SVEP1: variants seen among roughly 807,000 people sequenced by gnomAD.
SVEP1 encodes sushi, von Willebrand factor type A, EGF and pentraxin domain containing 1, also known as sushi, von Willebrand factor type A, EGF and pentraxin domain-containing protein 1.
A neutral mutation model predicts 367.3 loss-of-function variants in SVEP1; 164 were observed. The observed-to-expected ratio is 0.45, with a 90% CI of 0.39 to 0.51. The LOEUF is 0.51. Ranked by LOEUF, SVEP1 falls within the 20% of genes least tolerant of loss-of-function variation. The pLI is 0.00. For synonymous variants in SVEP1, 1,666 were observed against 1,611.6 expected, an observed-to-expected ratio of 1.03 and a Z score of -0.81; for missense variants, 4,117 against 4,425.3, an observed-to-expected ratio of 0.93 and a Z score of 1.98.
Position 110,469,089 on chromosome 9 carries a change from A to G in SVEP1, c.3011T>C (p.Leu1004Ser). The G allele has an allele frequency of 6.2e-7, 1 of 1,612,382 alleles. No homozygotes were observed. The highest frequency in any genetic ancestry group is 8.5e-7 in the Non-Finnish European group (1 of 1,179,002). ...ATGTTCCAGATTATAATAGGTTCCC[A>G]AAGGGCAATTGACTACAGAAAAAGC... ...LRGRMCVNCP[L>S]GTYYNLEHFT... The change falls in exon 17 of 48, where the codon TTG becomes TCG. Residue 1004 changes from leucine (L) to serine (S), a missense_variant. Leu to Ser is a moderately radical substitution (Grantham distance 145). Around this residue, in one of 4 missense-constraint regions of SVEP1, gnomAD observed 2,174 missense variants for 2,494.3 expected, o/e 0.87. Transcript: ENST00000374469.
At chr9:110,401,429 C>G (rs907170325) in intron 39 of SVEP1, among the ~76,000 whole-genome samples, 1 of 151,598 alleles carries the variant, frequency 6.6e-6, no homozygotes, top group African/African-American at 2.4e-5. Context: ...TTTAGGCATA[C>G]TACTCAAAGT....
chr9:110,489,784 T>C lies in SVEP1; in HGVS notation c.1801-5A>G, dbSNP rs73655383. 8,530 of 1,605,588 alleles carry C rather than the reference T, an allele frequency of 5.3e-3. 371 individuals are homozygous for C. In the African/African-American group the frequency reaches 0.098, roughly 18 times the overall value. ...TGGATGAACGTGGACTGACACCTAT[T>C]GGAGATACACAAATATTTTGAAAGT... On this transcript the variant is annotated splice_region_variant and splice_polypyrimidine_tract_variant and intron_variant, in intron 8 of 47. Coordinates refer to ENST00000374469, the MANE Select transcript of SVEP1 (RefSeq NM_153366.4).
intron 9 of SVEP1, 32 bp from the exon 10 acceptor site, chr9:110,483,725 C>G (rs531543663): frequency 6.7e-7 from 1 of 1,500,320 alleles, no homozygotes; most frequent in East Asian, 2.4e-5. Context: ...AAAGAAGTCA[C>G]AGCTGATATT....
Position 110,579,308 on chromosome 9 carries a change from C to T in SVEP1, c.236G>A (p.Ser79Asn), listed in dbSNP as rs1830664072. ...CAGGAAGACAAGCTCCAGGCGCTCG[C>T]TGAGCTCCCGCAGCAGCCGCACGCG... ...RRRVRLLREL[S>N]ERLELVFLVD... Residue 79 changes from serine (S) to asparagine (N), a missense_variant, in exon 1 of 48, where the codon AGC becomes AAC. Physicochemically the swap from Ser to Asn is conservative, Grantham distance 46. Coordinates refer to ENST00000374469, the MANE Select transcript of SVEP1 (RefSeq NM_153366.4). The surrounding 1 kb of genome is among the most constrained non-coding windows in gnomAD (Gnocchi z 5.3). 6.4e-7 allele frequency: 1 copy of T among 1,565,546 alleles called. No homozygotes were observed. The highest frequency in any genetic ancestry group is 1.9e-5 in the Admixed American group (1 of 52,764).
intron 18 of SVEP1, among the ~76,000 whole-genome samples, chr9:110,463,596 A>C (rs566978289): frequency 6.6e-6 from 1 of 151,358 alleles, no homozygotes; most frequent in African/African-American, 2.4e-5. Context: ...AAGGAAAGAA[A>C]GAAAGGAAGA....
chr9:110,472,404 T>A, intron 14 of SVEP1, 81 bp from the exon 15 acceptor site: 4 of 1,380,790 alleles, frequency 2.9e-6, no homozygotes, highest in Non-Finnish European at 3.9e-6. Context: ...AAGCCACAAG[T>A]GAAATTACAC....
At position 110,512,997 on chromosome 9, in the gene SVEP1, T is replaced by C. The variant is rs1418536680; in HGVS notation, c.1232A>G (p.Asp411Gly). Residue 411 changes from aspartate (D) to glycine (G), a missense_variant, in exon 5 of 48, where the codon GAT (aspartate) becomes GGT (glycine). By Grantham distance (94) the Asp-to-Gly change is moderately conservative. Transcript: ENST00000374469. ...ACGVRCHPGF[D>G]LVGSSIILCL... Reference sequence around the variant, plus strand: ...TAAGATGATGCTGCTTCCCACAAGATCAAATCCAGGGTGACATCGGACCCC... The same window carrying C: ...TAAGATGATGCTGCTTCCCACAAGACCAAATCCAGGGTGACATCGGACCCC... The C allele has an allele frequency of 6.2e-7, 1 of 1,613,944 alleles. No homozygotes were observed. The highest frequency in any genetic ancestry group is 1.1e-5 in the South Asian group (1 of 91,084).
chr9:110,435,372 T>G lies in SVEP1; in HGVS notation c.4765-8A>C. On this transcript the variant is annotated splice_region_variant and splice_polypyrimidine_tract_variant and intron_variant, in intron 28 of 47. Coordinates refer to ENST00000374469, the MANE Select transcript of SVEP1 (RefSeq NM_153366.4). ...GGTAGCCAGTGACTTCACCTGAAAG[T>G]TTAATAACACTTTAGATAAGCCTTA... 6.2e-7 allele frequency: 1 copy of G among 1,612,562 alleles called. No individual in the cohort carries two copies. Among genetic ancestry groups the G allele is most frequent in the Non-Finnish European group, 8.5e-7 (1 of 1,178,936 alleles).
intron 1 of SVEP1, among the ~76,000 whole-genome samples, chr9:110,569,953 A>T (rs1830534951): frequency 6.6e-6 from 1 of 152,232 alleles, no homozygotes; most frequent in South Asian, 2.1e-4. Flanking sequence ...TCTTTTCATA[A>T]AGATGGATAG....
At chr9:110,543,303 T>A (rs2044414504) in intron 3 of SVEP1, among the ~76,000 whole-genome samples, 1 of 152,088 alleles carries the variant, frequency 6.6e-6, no homozygotes, top group African/African-American at 2.4e-5. Context: ...ATAATTTAAA[T>A]CTTGTATGTA....
Position 110,366,658 on chromosome 9 carries a change from G to A in SVEP1, c.10695-98C>T. The stretch of plus-strand genomic sequence containing the variant: ...GGAGTTGATGAAAACAGGATTGAAA[G>A]TCCCAGATACCTGGGCATTATCTGT... On this transcript the variant is annotated intron_variant, in intron 47 of 47. Transcript: ENST00000374469. The A allele has an allele frequency of 2.4e-6, 3 of 1,233,002 alleles. No homozygotes were observed. The South Asian group carries it at 4.8e-5, about 20-fold the overall frequency. 76.4% of individuals were successfully genotyped at this position (1,233,002 alleles called of 1,614,324 possible). A position where few individuals can be genotyped will look rare whatever the true frequency, so the allele number is the denominator to read the frequency against.
intron 3 of SVEP1, among the ~76,000 whole-genome samples, chr9:110,528,156 G>GTATA (rs59360366): frequency 2.8e-3 from 94 of 33,942 alleles, no homozygotes; most frequent in Middle Eastern, 0.038. Flanking sequence ...GTGTGTGTGT[G>GTATA]TATATATATA....
At chr9:110,449,597 C>T (rs369339273) in intron 24 of SVEP1, among the ~76,000 whole-genome samples, 3 of 152,116 alleles carry the variant, frequency 2.0e-5, no homozygotes, top group African/African-American at 7.2e-5. Flanking sequence ...GCAGGAGAAT[C>T]GCTTTAAACC....
intron 5 of SVEP1, among the ~76,000 whole-genome samples, chr9:110,510,055 T>C (rs1002314725): frequency 1.3e-5 from 2 of 152,150 alleles, no homozygotes; most frequent in African/African-American, 2.4e-5. Flanking sequence ...GAGTCAGTGA[T>C]AGAAAAATGC....
chr9:110,466,626 T>C (rs1828941285), intron 17 of SVEP1, among the ~76,000 whole-genome samples: 1 of 149,972 alleles, frequency 6.7e-6, no homozygotes, highest in Admixed American at 6.6e-5. Flanking sequence ...CCGGGCGTAG[T>C]GGCGGGCGCC....
intron 3 of SVEP1, among the ~76,000 whole-genome samples, chr9:110,525,169 T>C (rs1273338096): frequency 6.6e-6 from 1 of 152,116 alleles, no homozygotes; most frequent in African/African-American, 2.4e-5. Context: ...TAAACCTATT[T>C]ATAAGTGATG....
intron 14 of SVEP1, 21 bp from the exon 15 acceptor site, chr9:110,472,344 C>CA (rs748788247): frequency 1.6e-5 from 24 of 1,541,522 alleles, no homozygotes; most frequent in Admixed American, 9.2e-5. Flanking sequence ...GGGGCAGAGA[C>CA]ACAAATGATC....
intron 3 of SVEP1, 164 bp from the exon 4 acceptor site, chr9:110,514,270 G>T: frequency 1.2e-6 from 1 of 836,792 alleles, no homozygotes; most frequent in Admixed American, 2.3e-5. Flanking sequence ...CCTGTACTTT[G>T]GGAAGCAGAG....
intron 18 of SVEP1, among the ~76,000 whole-genome samples, chr9:110,465,540 A>G (rs1828922448): frequency 6.6e-6 from 1 of 152,218 alleles, no homozygotes; most frequent in Non-Finnish European, 1.5e-5. Context: ...TTCACTTTAT[A>G]AAGGAGGGAA....
Sources: gnomAD v4.1 joint callset for allele counts (sites outside exome capture counted in the v4.1 genomes callset) on GRCh38, gnomAD v4.1.1 for gene constraint, gnomAD v4.1.1 regional missense constraint, Gnocchi (gnomAD v3.1) non-coding constraint, MANE v1.5 for transcripts, NCBI Gene and HGNC (gene_info 2026-07-23, HGNC 2026-07-21) for gene names.